Variants in PLD5 observed in about 807,000 individuals in gnomAD.
PLD5 encodes the protein phospholipase D family member 5.
Under a neutral mutation model 61.1 loss-of-function variants are expected in PLD5, and 36 were observed. The ratio of observed to expected loss-of-function variants is 0.59; its 90% CI spans 0.45 to 0.78. The LOEUF is 0.78. Among genes scored for constraint, PLD5 ranks in the 30% least tolerant of loss-of-function variants. The pLI is 0.00. For synonymous variants in PLD5, 243 were observed against 242.8 expected, an observed-to-expected ratio of 1.00 and a Z score of -0.01; for missense variants, 515 against 644.4, an observed-to-expected ratio of 0.80 and a Z score of 2.17.
upstream of PLD5, among the ~76,000 whole-genome samples, chr1:242,528,063 G>T (rs1048911998): frequency 2.6e-5 from 4 of 152,166 alleles, no homozygotes; most frequent in Non-Finnish European, 5.9e-5. Flanking sequence ...GACTGAATGG[G>T]TGCTAACACT....
At chr1:242,360,115 A>T (rs559433381) in intron 1 of PLD5, among the ~76,000 whole-genome samples, 3 of 152,150 alleles carry the variant, frequency 2.0e-5, no homozygotes, top group Admixed American at 6.6e-5. Context: ...AATCACTTGT[A>T]AAAACATACA....
intron 1 of PLD5, among the ~76,000 whole-genome samples, chr1:242,523,798 G>T (rs532323136): frequency 6.6e-6 from 1 of 152,332 alleles, no homozygotes; most frequent in African/African-American, 2.4e-5. Flanking sequence ...ACTCTGCACA[G>T]GCACCTCCAG....
intron 5 of PLD5, among the ~76,000 whole-genome samples, chr1:242,217,865 T>C (rs1417573211): frequency 1.3e-5 from 2 of 152,190 alleles, no homozygotes; most frequent in Non-Finnish European, 2.9e-5. Flanking sequence ...TTGCTTCTTA[T>C]GAATGAGCAA....
At chr1:242,355,804 T>G (rs574776082) in intron 1 of PLD5, among the ~76,000 whole-genome samples, 107 of 152,312 alleles carry the variant, frequency 7.0e-4, no homozygotes, top group African/African-American at 2.3e-3. Context: ...TCCATTTTCA[T>G]TTGTCTCAAG....
intron 1 of PLD5, among the ~76,000 whole-genome samples, chr1:242,396,679 T>TTC (rs1249824852): frequency 6.8e-5 from 10 of 147,532 alleles, no homozygotes; most frequent in African/African-American, 2.5e-4. Flanking sequence ...TTTTCTTTTT[T>TTC]TTTTTTTTTT....
chr1:242,215,481 G>A (rs781094861), intron 5 of PLD5, among the ~76,000 whole-genome samples: 12 of 152,048 alleles, frequency 7.9e-5, no homozygotes, highest in African/African-American at 2.4e-4. Flanking sequence ...GACACATTTC[G>A]ATCAGCTGTA....
intron 4 of PLD5, among the ~76,000 whole-genome samples, chr1:242,225,362 T>C (rs1013594713): frequency 3.4e-5 from 5 of 146,834 alleles, no homozygotes; most frequent in Admixed American, 2.1e-4. Context: ...TTGAGTGATA[T>C]TTCATGGTAT....
chr1:242,504,360 C>T (rs1357524945), intron 1 of PLD5, among the ~76,000 whole-genome samples: 1 of 152,156 alleles, frequency 6.6e-6, no homozygotes, highest in Non-Finnish European at 1.5e-5. Context: ...ATATGAGCAT[C>T]AACTACTATC....
chr1:242,514,141 A>C (rs998607289), intron 1 of PLD5, among the ~76,000 whole-genome samples: 5 of 152,238 alleles, frequency 3.3e-5, no homozygotes, highest in African/African-American at 1.2e-4. Flanking sequence ...TACAGAATAA[A>C]GCCCAGTATC....
At chr1:242,108,475 CCT>C (rs1332095043) in intron 7 of PLD5, among the ~76,000 whole-genome samples, 2 of 152,140 alleles carry the variant, frequency 1.3e-5, no homozygotes, top group Non-Finnish European at 2.9e-5. Flanking sequence ...TGATTTCTTC[CCT>C]GAGGCCACAG....
chr1:242,235,433 G>A (rs962026638), intron 4 of PLD5: 2 of 152,168 alleles, frequency 1.3e-5, no homozygotes, highest in Non-Finnish European at 2.9e-5. Context: ...CCAGCAGAAA[G>A]CTCAGTGTAT....
At chr1:242,196,984 G>A (rs994872340) in intron 5 of PLD5, among the ~76,000 whole-genome samples, 18 of 151,998 alleles carry the variant, frequency 1.2e-4, no homozygotes, top group Non-Finnish European at 1.5e-4. Context: ...GGCTGGACTC[G>A]AACTCCTGGG....
At chr1:242,497,438 C>T (rs936056302) in intron 1 of PLD5, among the ~76,000 whole-genome samples, 12 of 152,154 alleles carry the variant, frequency 7.9e-5, no homozygotes, top group African/African-American at 2.9e-4. Context: ...TCTTTCTCTT[C>T]CTCTAAATTT....
At chr1:242,235,246 T>C (rs1372622022) in intron 4 of PLD5, among the ~76,000 whole-genome samples, 1 of 152,210 alleles carries the variant, frequency 6.6e-6, no homozygotes, top group Non-Finnish European at 1.5e-5. Context: ...AACAGATATC[T>C]GCTGAATGAA....
intron 1 of PLD5, among the ~76,000 whole-genome samples, chr1:242,379,872 A>T (rs747848175): frequency 5.3e-5 from 8 of 152,144 alleles, no homozygotes; most frequent in Non-Finnish European, 1.2e-4. Context: ...TTATTCTATG[A>T]CCCAGTTTAC....
At chr1:242,423,012 C>T (rs1160106533) in intron 1 of PLD5, among the ~76,000 whole-genome samples, 1 of 151,910 alleles carries the variant, frequency 6.6e-6, no homozygotes, top group African/African-American at 2.4e-5. Context: ...CCATACTTGG[C>T]TATTTTTTTT....
chr1:242,131,537 C>T (rs554176848), intron 5 of PLD5, among the ~76,000 whole-genome samples: 1 of 152,156 alleles, frequency 6.6e-6, no homozygotes, highest in Non-Finnish European at 1.5e-5. Flanking sequence ...TGTCTACATG[C>T]ATTTAAACCT....
intron 1 of PLD5, among the ~76,000 whole-genome samples, chr1:242,454,266 G>A (rs907193008): frequency 6.6e-6 from 1 of 151,640 alleles, no homozygotes; most frequent in African/African-American, 2.4e-5. Flanking sequence ...CTGGGAGGCA[G>A]AGGCTGCAGT....
At chr1:242,426,669 C>T (rs1665446161) in intron 1 of PLD5, among the ~76,000 whole-genome samples, 2 of 152,184 alleles carry the variant, frequency 1.3e-5, no homozygotes, top group South Asian at 4.1e-4. Flanking sequence ...ATATGTGAGG[C>T]AAATCTCCTC....
Sources: gnomAD v4.1 joint callset for allele counts (sites outside exome capture counted in the v4.1 genomes callset) on GRCh38, gnomAD v4.1.1 for gene constraint, MANE v1.5 for transcripts, NCBI Gene and HGNC (gene_info 2026-07-23, HGNC 2026-07-21) for gene names.